The following SMYD1 variants were observed in gnomAD, a reference collection of about 807,000 sequenced individuals.
SMYD1 encodes the protein histone-lysine N-methyltransferase SMYD1.
Under a neutral mutation model 54.0 loss-of-function variants are expected in SMYD1, and 49 were observed. That is an observed-to-expected ratio of 0.91 (90% CI 0.72 to 1.15). The LOEUF (loss-of-function observed/expected upper bound fraction) is 1.15. Ranked by LOEUF, SMYD1 falls within the 50% of genes most tolerant of loss-of-function variation. The pLI is 0.00. For synonymous variants in SMYD1, 269 were observed against 234.2 expected (o/e 1.15, Z -1.36); for missense variants, 653 against 639.6 (o/e 1.02, Z -0.23).
rs149799032 is a variant in SMYD1, at chr2:88,090,341, T to C, written c.529-671T>C. Among the ~76,000 whole-genome samples the C allele has an allele frequency of 3.5e-3, 528 of 152,380 alleles. 22 individuals carry two copies. The East Asian group carries it at 0.088, about 25-fold the overall frequency. ...GTATTCTACGTTATATTTATTCTTA[T>C]GTATTTTTCCTACTGTGAGAGCAGA... On this transcript the variant is annotated intron_variant, in intron 3 of 9. Transcript: ENST00000419482.
chr2:88,097,384 A>G (rs1270427901), intron 6 of SMYD1, among the ~76,000 whole-genome samples: 2 of 152,056 alleles, frequency 1.3e-5, no homozygotes, highest in Non-Finnish European at 2.9e-5. Context: ...TGGGAGAGAG[A>G]GCTGAGCCGC....
Position 88,084,335 on chromosome 2 carries a change from C to T in SMYD1, c.157C>T (p.His53Tyr). ...TTCCAGCCTTGTTAATTTTGTGTGC[C>T]ACACCTGCTTCAAGAGGCAGGAGAA... ...VFDSLVNFVC[H>Y]TCFKRQEKLH... The change falls in exon 2 of 10, where the codon CAC becomes TAC. Residue 53 changes from histidine to tyrosine, a missense_variant. His to Tyr is a moderately conservative substitution (Grantham distance 83). Coordinates refer to ENST00000419482, the MANE Select transcript of SMYD1 (RefSeq NM_198274.4). 6.3e-7 allele frequency: 1 copy of T among 1,576,496 alleles called. No individual in the cohort carries two copies. The highest frequency in any genetic ancestry group is 8.7e-7 in the Non-Finnish European group (1 of 1,149,926).
chr2:88,091,210 G>A, intron 4 of SMYD1, 68 bp downstream of exon 4: 1 of 1,531,756 alleles, frequency 6.5e-7, no homozygotes, highest in Non-Finnish European at 8.9e-7. Flanking sequence ...TTCTCCACTT[G>A]ACTTAAGCCA....
chr2:88,076,974 T>C (rs1451721340), intron 1 of SMYD1, among the ~76,000 whole-genome samples: 1 of 149,480 alleles, frequency 6.7e-6, no homozygotes, highest in Admixed American at 6.7e-5. Context: ...ATTATGCCAT[T>C]GCATTCCAGC....
chr2:88,101,665 G>A (rs569334136), intron 6 of SMYD1, among the ~76,000 whole-genome samples: 2 of 152,324 alleles, frequency 1.3e-5, no homozygotes, highest in South Asian at 4.1e-4. Flanking sequence ...TAGTGCAGTG[G>A]TGTGATCTCG....
intron 8 of SMYD1, among the ~76,000 whole-genome samples, chr2:88,107,563 G>A (rs1022142488): frequency 6.6e-6 from 1 of 152,210 alleles, no homozygotes; most frequent in Admixed American, 6.5e-5. Context: ...GAGGCAGGGA[G>A]GCCTCCTTGA....
intron 2 of SMYD1, 89 bp downstream of exon 2, chr2:88,084,581 C>A: frequency 7.7e-7 from 1 of 1,297,048 alleles, no homozygotes. Flanking sequence ...TCTAAGGAAG[C>A]CAAGCTGAGT....
At chr2:88,085,463 G>A (rs114346380) in intron 2 of SMYD1, among the ~76,000 whole-genome samples, 1 of 152,164 alleles carries the variant, frequency 6.6e-6, no homozygotes, top group African/African-American at 2.4e-5. Flanking sequence ...TGGTGACTGG[G>A]AGCATTTTCA....
At position 88,073,218 on chromosome 2, in the gene SMYD1, A is replaced by G. The variant is rs145520904; in HGVS notation, c.137+5217A>G. Reference sequence around the variant, plus strand: ...GAGAATGGCCTCCAGTTGCACCCATATTGCTGCAAAGGACGTGATTTTGTT... The same window carrying G: ...GAGAATGGCCTCCAGTTGCACCCATGTTGCTGCAAAGGACGTGATTTTGTT... On this transcript the variant is annotated intron_variant, in intron 1 of 9. Transcript: ENST00000419482. Among the ~76,000 whole-genome samples, 40 of 152,294 alleles carry G rather than the reference A, an allele frequency of 2.6e-4. No individual in the cohort carries two copies. In the East Asian group the frequency reaches 7.3e-3, roughly 28 times the overall value.
intron 6 of SMYD1, among the ~76,000 whole-genome samples, chr2:88,099,870 G>C (rs62156971): frequency 2.8e-5 from 4 of 143,948 alleles, no homozygotes; most frequent in Non-Finnish European, 6.1e-5. Context: ...CTCCTCCCGC[G>C]TTCATCTGGC....
intron 1 of SMYD1, among the ~76,000 whole-genome samples, chr2:88,080,359 C>T (rs1239899885): frequency 3.9e-5 from 6 of 152,014 alleles, no homozygotes; most frequent in Non-Finnish European, 7.4e-5. Flanking sequence ...GGTAGGCACA[C>T]ATATTAGTGT....
At chr2:88,106,262 G>A (rs915742674) in intron 7 of SMYD1, 63 bp from the exon 8 acceptor site, 31 of 1,580,324 alleles carry the variant, frequency 2.0e-5, no homozygotes, top group East Asian at 2.3e-5. Context: ...TGATGGTCGC[G>A]TATGTGAATT....
chr2:88,076,279 A>G (rs1252269337), intron 1 of SMYD1, among the ~76,000 whole-genome samples: 1 of 152,040 alleles, frequency 6.6e-6, no homozygotes, highest in Non-Finnish European at 1.5e-5. Context: ...CAGTGGCGTG[A>G]TTTCGGCTCA....
chr2:88,081,439 T>C (rs1398174485), intron 1 of SMYD1, among the ~76,000 whole-genome samples: 2 of 149,384 alleles, frequency 1.3e-5, no homozygotes, highest in African/African-American at 5.0e-5. Flanking sequence ...CCTAATTTTT[T>C]CTTTTTTTTT....
rs1674835943 is a variant in SMYD1 at position 88,105,364 on chromosome 2, T to C, written c.982-961T>C. ...ATAAATATATTTGTATATGTATATA[T>C]GCGCATGCATATATACACACACACA... On this transcript the variant is annotated intron_variant, in intron 7 of 9. Coordinates refer to ENST00000419482, the MANE Select transcript of SMYD1 (RefSeq NM_198274.4). Among the ~76,000 whole-genome samples the C allele has an allele frequency of 3.0e-5, 4 of 131,852 alleles. No individual in the cohort carries two copies. The South Asian group carries it at 1.1e-3, about 36-fold the overall frequency. 86.5% of individuals were successfully genotyped at this position (131,852 alleles called of 152,430 possible). A position where few individuals can be genotyped will look rare whatever the true frequency, so the allele number is the denominator to read the frequency against.
intron 2 of SMYD1, among the ~76,000 whole-genome samples, chr2:88,086,457 G>A (rs932024550): frequency 1.3e-5 from 2 of 152,094 alleles, no homozygotes; most frequent in African/African-American, 4.8e-5. Flanking sequence ...TTAACAAAGA[G>A]GGCTTCGGGG....
chr2:88,074,883 T>C (rs775950675), intron 1 of SMYD1, among the ~76,000 whole-genome samples: 4 of 152,218 alleles, frequency 2.6e-5, no homozygotes, highest in Non-Finnish European at 5.9e-5. Context: ...CAGGTGGGGT[T>C]AGTCAGTGTA....
At chr2:88,086,172 A>G (rs1431259027) in intron 2 of SMYD1, among the ~76,000 whole-genome samples, 1 of 152,242 alleles carries the variant, frequency 6.6e-6, no homozygotes, top group Admixed American at 6.5e-5. Flanking sequence ...TTAGTTCTCT[A>G]AAATGTTACC....
chr2:88,077,011 C>CA (rs112988082), intron 1 of SMYD1, among the ~76,000 whole-genome samples: 12,620 of 117,138 alleles, frequency 0.11, 776 homozygotes, highest in African/African-American at 0.19. Flanking sequence ...GACCCTGTCT[C>CA]AAAAAAAAAA....
Sources: gnomAD v4.1 joint callset for allele counts (sites outside exome capture counted in the v4.1 genomes callset) on GRCh38, gnomAD v4.1.1 for gene constraint, MANE v1.5 for transcripts, NCBI Gene and HGNC (gene_info 2026-07-23, HGNC 2026-07-21) for gene names.